DCC: variants seen among roughly 807,000 people sequenced by gnomAD.
The protein encoded by DCC is netrin receptor DCC.
In DCC, 58 loss-of-function variants were observed where a neutral mutation model predicts 172.5. That is an observed-to-expected ratio of 0.34 (90% confidence interval 0.27 to 0.42). The LOEUF is 0.42. Ranked by LOEUF, DCC falls within the 10% of genes least tolerant of loss-of-function variation. The probability of loss-of-function intolerance (pLI) is 1.00; values close to 1 mark genes in which losing one functional copy is unlikely to be tolerated. For synonymous variants in DCC, 709 were observed against 644.5 expected (o/e 1.10, Z -1.52); for missense variants, 1,740 against 1,791.0 (o/e 0.97, Z 0.51).
intron 7 of DCC, among the ~76,000 whole-genome samples, chr18:53,108,785 T>G (rs569419941): frequency 6.6e-6 from 1 of 151,726 alleles, no homozygotes; most frequent in East Asian, 2.0e-4. Flanking sequence ...TGCTATTGAG[T>G]GTTTCATGGT....
chr18:53,328,052 A>G (rs751772883), intron 14 of DCC, among the ~76,000 whole-genome samples: 10 of 152,104 alleles, frequency 6.6e-5, no homozygotes, highest in Non-Finnish European at 1.2e-4. Flanking sequence ...CAAAGCAAAA[A>G]CTGATTTTTA....
chr18:52,495,098 G>A (rs2030688782), intron 1 of DCC, among the ~76,000 whole-genome samples: 1 of 151,932 alleles, frequency 6.6e-6, no homozygotes, highest in Non-Finnish European at 1.5e-5. Flanking sequence ...AGATCAACTG[G>A]GCCCCTCCCC....
At chr18:52,678,136 A>T (rs72929163) in intron 1 of DCC, among the ~76,000 whole-genome samples, 21,022 of 152,046 alleles carry the variant, frequency 0.14, 1,830 homozygotes, top group Admixed American at 0.25. Context: ...TGCCCTTTAG[A>T]CTGACATCAA....
chr18:53,061,795 G>A (rs2042498951), intron 5 of DCC, among the ~76,000 whole-genome samples: 1 of 152,050 alleles, frequency 6.6e-6, no homozygotes, highest in Admixed American at 6.6e-5. Context: ...GTAAAGTGGG[G>A]ATAATAGAAC....
In DCC at chr18:52,907,301, TATATAC is replaced by T. The variant is rs2039899854; in HGVS notation, c.697+978_697+983del. Among the ~76,000 whole-genome samples, 18 of 36,174 alleles carry T rather than the reference TATATAC, an allele frequency of 5.0e-4. No homozygotes were observed. In the South Asian group the frequency reaches 0.019, roughly 39 times the overall value. 23.7% of individuals were successfully genotyped at this position (36,174 alleles called of 152,430 possible). A position where few individuals can be genotyped will look rare whatever the true frequency, so the allele number is the denominator to read the frequency against. ...TATGTCATGGATATATACATATGGA[TATATAC>T]ATATGTATATGTATATATCCATATG... On this transcript the variant is annotated intron_variant, in intron 3 of 28. Transcript: ENST00000442544.
In DCC at chr18:52,642,003, G is replaced by GGT. The variant is rs1261243389; in HGVS notation, c.92-110040_92-110039dup. ...ATCAACAAGTGGATAAAGAAACTGTGGTGTGTGTGTGTATATATATATATA... is the reference window on the plus strand; with the variant it reads ...ATCAACAAGTGGATAAAGAAACTGTGGTGTGTGTGTGTGTATATATATATATA... On this transcript the variant is annotated intron_variant, in intron 1 of 28. Coordinates refer to ENST00000442544, the MANE Select transcript of DCC (RefSeq NM_005215.4). 2.4e-3 allele frequency among the ~76,000 whole-genome samples: 216 copies of GGT among 91,062 alleles called. 5 individuals are homozygous for GGT. The highest frequency in any genetic ancestry group is 6.3e-3 in the Middle Eastern group (1 of 158). The allele number at this position is 91,062 out of a possible 152,430, so 59.7% of individuals were successfully genotyped here. A position where few individuals can be genotyped will look rare whatever the true frequency, so the allele number is the denominator to read the frequency against.
At chr18:52,815,970 A>G (rs1380264096) in intron 2 of DCC, among the ~76,000 whole-genome samples, 1 of 152,224 alleles carries the variant, frequency 6.6e-6, no homozygotes, top group East Asian at 1.9e-4. Flanking sequence ...TAACGTAACA[A>G]AAAAGAGATA....
intron 12 of DCC, among the ~76,000 whole-genome samples, chr18:53,228,393 T>C (rs1568378303): frequency 6.6e-6 from 1 of 152,206 alleles, no homozygotes; most frequent in African/African-American, 2.4e-5. Flanking sequence ...TTTGTTTGTT[T>C]AATGATAAAT....
intron 2 of DCC, among the ~76,000 whole-genome samples, chr18:52,796,102 CT>C (rs34489844): frequency 2.8e-5 from 4 of 144,858 alleles, no homozygotes; most frequent in Non-Finnish European, 3.0e-5. Flanking sequence ...CATGGAATAT[CT>C]TTTTTTATCC....
At chr18:52,387,695 A>G (rs554212323) in intron 1 of DCC, among the ~76,000 whole-genome samples, 9 of 150,486 alleles carry the variant, frequency 6.0e-5, no homozygotes, top group African/African-American at 2.0e-4. Context: ...TTTAAGAAGA[A>G]GAATGTGATA....
intron 1 of DCC, among the ~76,000 whole-genome samples, chr18:52,608,153 CACTT>C: frequency 6.6e-6 from 1 of 152,230 alleles, no homozygotes; most frequent in South Asian, 2.1e-4. Context: ...GTCTGTGTAT[CACTT>C]ACCATTCCCT....
chr18:53,233,389 A>G (rs567565741), intron 12 of DCC, among the ~76,000 whole-genome samples: 4 of 152,318 alleles, frequency 2.6e-5, no homozygotes, highest in Admixed American at 2.6e-4. Context: ...GGATAGATCT[A>G]GCTCATTTTC....
At chr18:52,887,526 T>A (rs2039587322) in intron 2 of DCC, among the ~76,000 whole-genome samples, 1 of 152,204 alleles carries the variant, frequency 6.6e-6, no homozygotes, top group South Asian at 2.1e-4. Flanking sequence ...TATTTTTAGA[T>A]CTTGTCCACG....
chr18:53,426,612 A>C (rs1910981928), intron 21 of DCC, among the ~76,000 whole-genome samples: 1 of 150,456 alleles, frequency 6.6e-6, no homozygotes, highest in Admixed American at 6.7e-5. Flanking sequence ...GTAGATAATC[A>C]TCCTGTTTTT....
chr18:53,484,648 TG>T (rs1373498167), intron 25 of DCC, among the ~76,000 whole-genome samples: 2 of 152,056 alleles, frequency 1.3e-5, no homozygotes, highest in Non-Finnish European at 2.9e-5. Context: ...ATTTTCAATG[TG>T]AAAATCATTC....
intron 1 of DCC, among the ~76,000 whole-genome samples, chr18:52,472,880 C>T (rs1329723865): frequency 6.6e-6 from 1 of 152,066 alleles, no homozygotes; most frequent in Non-Finnish European, 1.5e-5. Flanking sequence ...GTACTCCAGC[C>T]TGGGTGACAG....
chr18:52,848,021 TA>T (rs1213684103), intron 2 of DCC, among the ~76,000 whole-genome samples: 1 of 152,044 alleles, frequency 6.6e-6, no homozygotes, highest in African/African-American at 2.4e-5. Flanking sequence ...ACCAGGAAGG[TA>T]GCTTTTATTC....
intron 1 of DCC, among the ~76,000 whole-genome samples, chr18:52,462,535 A>T (rs7506066): frequency 3.0e-3 from 450 of 152,186 alleles, no homozygotes; most frequent in Non-Finnish European, 5.4e-3. Context: ...GCAATATGCA[A>T]CCTCTTTTAG....
At chr18:52,433,477 A>G (rs911582945) in intron 1 of DCC, among the ~76,000 whole-genome samples, 6 of 152,160 alleles carry the variant, frequency 3.9e-5, no homozygotes, top group African/African-American at 1.4e-4. Flanking sequence ...TAATACATCA[A>G]GTCCAATTTT....
Sources: gnomAD v4.1 joint callset for allele counts (sites outside exome capture counted in the v4.1 genomes callset) on GRCh38, gnomAD v4.1.1 for gene constraint, MANE v1.5 for transcripts, NCBI Gene and HGNC (gene_info 2026-07-23, HGNC 2026-07-21) for gene names.